Variants in BICRAL observed in about 807,000 individuals in gnomAD.
BICRAL encodes BRD4-interacting chromatin-remodeling complex-associated protein-like.
In BICRAL, 8 loss-of-function variants were observed where a neutral mutation model predicts 91.8. That is an observed-to-expected ratio of 0.09 (90% CI 0.05 to 0.16). The LOEUF (loss-of-function observed/expected upper bound fraction) is 0.16. BICRAL is among the 10% of genes least tolerant of loss of function. The pLI is 1.00. For synonymous variants in BICRAL, 445 were observed against 491.1 expected, an observed-to-expected ratio of 0.91 and a Z score of 1.24; for missense variants, 1,038 against 1,310.9, an observed-to-expected ratio of 0.79 and a Z score of 3.21.
At chr6:42,762,422 G>C (rs916776448) in intron 1 of BICRAL, among the ~76,000 whole-genome samples, 2 of 152,070 alleles carry the variant, frequency 1.3e-5, no homozygotes, top group East Asian at 1.9e-4. Context: ...TTTTATGAAA[G>C]CTTCGCTATC....
At chr6:42,859,156 C>T (rs575174116) in intron 10 of BICRAL, among the ~76,000 whole-genome samples, 6 of 151,920 alleles carry the variant, frequency 3.9e-5, no homozygotes, top group Non-Finnish European at 8.8e-5. Flanking sequence ...TTTGGAAGGC[C>T]GAGGTGGGCA....
At chr6:42,783,156 C>CGCG (rs1017848225) in intron 1 of BICRAL, among the ~76,000 whole-genome samples, 13 of 151,464 alleles carry the variant, frequency 8.6e-5, no homozygotes, top group Admixed American at 5.3e-4. Flanking sequence ...GCTCCGAGCC[C>CGCG]GCGGCGGCGG....
chr6:42,846,146 G>A (rs1472177431), intron 6 of BICRAL, among the ~76,000 whole-genome samples: 1 of 151,562 alleles, frequency 6.6e-6, no homozygotes, highest in Non-Finnish European at 1.5e-5. Flanking sequence ...AGAGGCCGAG[G>A]CAGGCGCATC....
chr6:42,847,514 A>T (rs774789055), intron 6 of BICRAL, among the ~76,000 whole-genome samples: 21 of 152,320 alleles, frequency 1.4e-4, no homozygotes, highest in South Asian at 1.0e-3. Flanking sequence ...ACGGTGGCTC[A>T]CGCCTATAAT....
intron 1 of BICRAL, among the ~76,000 whole-genome samples, chr6:42,770,643 T>C (rs1186702551): frequency 6.6e-6 from 1 of 151,960 alleles, no homozygotes; most frequent in Admixed American, 6.5e-5. Context: ...CTCGAACTCC[T>C]GACCTCAGGT....
At chr6:42,839,671 G>C (rs1041115968) in intron 6 of BICRAL, among the ~76,000 whole-genome samples, 1 of 152,002 alleles carries the variant, frequency 6.6e-6, no homozygotes, top group Non-Finnish European at 1.5e-5. Context: ...ATATCTCTAA[G>C]AGATCATGTA....
intron 1 of BICRAL, among the ~76,000 whole-genome samples, chr6:42,761,798 T>C (rs1354002485): frequency 1.3e-5 from 2 of 151,122 alleles, no homozygotes; most frequent in Non-Finnish European, 2.9e-5. Context: ...CCTGTAGTCC[T>C]AGCTACACAG....
At chr6:42,762,579 G>A (rs1223064730) in intron 1 of BICRAL, among the ~76,000 whole-genome samples, 1 of 152,180 alleles carries the variant, frequency 6.6e-6, no homozygotes, top group Non-Finnish European at 1.5e-5. Flanking sequence ...AGTTCCTGGA[G>A]GGATGTGGTT....
At chr6:42,781,208 T>C (rs367683792), upstream of BICRAL, among the ~76,000 whole-genome samples, 4 of 152,134 alleles carry the variant, frequency 2.6e-5, no homozygotes, top group African/African-American at 9.6e-5. Context: ...ATTCCGCAAA[T>C]ATAGAGATAA....
chr6:42,756,110 A>G lies in BICRAL; in HGVS notation c.-261+9087A>G, dbSNP rs563179745. Among the ~76,000 whole-genome samples, 11 of 152,312 alleles carry G rather than the reference A, an allele frequency of 7.2e-5. No individual in the cohort carries two copies. The South Asian group carries it at 2.3e-3, about 32-fold the overall frequency. On this transcript the variant is annotated intron_variant, in intron 1 of 14. Transcript: ENST00000614467. ...AGTGATGTTCTAACTTTCTTCCCCT[A>G]ACAATAGACTTTTAAAACAATAGTC...
upstream of BICRAL, among the ~76,000 whole-genome samples, chr6:42,777,663 G>A (rs1039549023): frequency 3.3e-5 from 5 of 152,074 alleles, no homozygotes; most frequent in African/African-American, 9.7e-5. Context: ...CAACCAAGGG[G>A]AACATTTGGA....
chr6:42,822,305 A>G (rs1357457349), intron 3 of BICRAL, among the ~76,000 whole-genome samples: 2 of 151,804 alleles, frequency 1.3e-5, no homozygotes, highest in Non-Finnish European at 2.9e-5. Flanking sequence ...CAGCAGCACA[A>G]TCTCAGCTCA....
chr6:42,842,573 C>T (rs1764832776), intron 6 of BICRAL, among the ~76,000 whole-genome samples: 1 of 152,100 alleles, frequency 6.6e-6, no homozygotes, highest in African/African-American at 2.4e-5. Context: ...GATGGGTATA[C>T]ATTGAATGTC....
intron 6 of BICRAL, among the ~76,000 whole-genome samples, chr6:42,844,126 A>G (rs940215497): frequency 1.3e-5 from 2 of 150,162 alleles, no homozygotes; most frequent in African/African-American, 4.9e-5. Flanking sequence ...AACTGAAGCA[A>G]TGGGAGTGGA....
chr6:42,751,654 C>CTTTTTTT (rs1190737893), intron 1 of BICRAL, among the ~76,000 whole-genome samples: 15 of 116,552 alleles, frequency 1.3e-4, no homozygotes, highest in South Asian at 2.9e-4. Flanking sequence ...TCTTTCTTTT[C>CTTTTTTT]TTTTTTTTTT....
At position 42,865,521 on chromosome 6, in the gene BICRAL, C is replaced by T. The variant is rs938332364; in HGVS notation, c.*75C>T. 4.0e-6 allele frequency: 3 copies of T among 741,214 alleles called. No individual in the cohort carries two copies. Among genetic ancestry groups the T allele is most frequent in the Non-Finnish European group, 6.7e-6 (3 of 446,148 alleles). 45.9% of individuals were successfully genotyped at this position (741,214 alleles called of 1,614,324 possible). ...CACCCCGGACCAGTTACATTCGTTC[C>T]TGGCAAAAGCAAATGGAAATGGTCT... On this transcript the variant is annotated 3_prime_UTR_variant, in exon 13 of 13. Coordinates refer to ENST00000314073, the MANE Select transcript of BICRAL (RefSeq NM_001393499.1).
chr6:42,808,139 T>C (rs923713167), intron 1 of BICRAL, among the ~76,000 whole-genome samples: 22 of 151,942 alleles, frequency 1.4e-4, no homozygotes, highest in African/African-American at 5.3e-4. Flanking sequence ...TATCTTTTTT[T>C]TTTTTTTTTA....
At position 42,866,568 on chromosome 6, in the gene BICRAL, A is replaced by G. The variant is rs1236681668; in HGVS notation, c.*1122A>G. On this transcript the variant is annotated 3_prime_UTR_variant, in exon 13 of 13. Coordinates refer to ENST00000314073, the MANE Select transcript of BICRAL (RefSeq NM_001393499.1). Reference sequence around the variant, plus strand: ...GCCTTGTTTATGCTTCTTGTCTGAGAACAGTAGTGACCCCTGGCAGCAATT... The same window carrying G: ...GCCTTGTTTATGCTTCTTGTCTGAGGACAGTAGTGACCCCTGGCAGCAATT... The G allele has an allele frequency of 3.5e-6, 1 of 286,012 alleles. No homozygotes were observed. Among genetic ancestry groups the G allele is most frequent in the African/African-American group, 2.2e-5 (1 of 45,772 alleles). 17.7% of individuals were successfully genotyped at this position (286,012 alleles called of 1,614,324 possible). A position where few individuals can be genotyped will look rare whatever the true frequency, so the allele number is the denominator to read the frequency against.
intron 1 of BICRAL, among the ~76,000 whole-genome samples, chr6:42,760,143 G>C (rs1762523415): frequency 6.6e-6 from 1 of 152,050 alleles, no homozygotes; most frequent in African/African-American, 2.4e-5. Context: ...TACTCAGGAG[G>C]CTGAGGCAGG....
Sources: gnomAD v4.1 joint callset for allele counts (sites outside exome capture counted in the v4.1 genomes callset) on GRCh38, gnomAD v4.1.1 for gene constraint, MANE v1.5 for transcripts, NCBI Gene and HGNC (gene_info 2026-07-23, HGNC 2026-07-21) for gene names.